The following FGFRL1 variants were observed in gnomAD, a reference collection of about 807,000 sequenced individuals.
FGFRL1 encodes fibroblast growth factor receptor-like 1.
FGFRL1 carries 24 observed loss-of-function variants against 36.8 expected under a neutral mutation model. That is an observed-to-expected ratio of 0.65 (90% CI 0.47 to 0.92). The LOEUF is 0.92. Ranked by LOEUF, FGFRL1 falls within the 40% of genes least tolerant of loss-of-function variation. The pLI, the probability that FGFRL1 is intolerant of heterozygous loss-of-function variation, is 0.00. For synonymous variants in FGFRL1, 422 were observed against 344.1 expected (o/e 1.23, Z -2.50); for missense variants, 785 against 753.4 (o/e 1.04, Z -0.49).
intron 2 of FGFRL1, among the ~76,000 whole-genome samples, chr4:1,016,903 G>T (rs1391800921): frequency 1.3e-5 from 2 of 152,142 alleles, no homozygotes; most frequent in African/African-American, 4.8e-5. Context: ...ACTGACTCTG[G>T]GGTTTCCCAC....
intron 2 of FGFRL1, among the ~76,000 whole-genome samples, chr4:1,019,009 G>A (rs1346117681): frequency 6.6e-6 from 1 of 152,174 alleles, no homozygotes; most frequent in African/African-American, 2.4e-5. Context: ...CGGCCCTGGG[G>A]GCCACGCTTC....
rs1716548746 is a variant in FGFRL1 at position 1,026,546 on chromosome 4, G to A, written c.*1199G>A. ...CCCTACTGCTGTGGGCTGGGGTTGGGGGCACAGCAGCCCCAAGCCTGAGAG... is the reference window on the plus strand; with the variant it reads ...CCCTACTGCTGTGGGCTGGGGTTGGAGGCACAGCAGCCCCAAGCCTGAGAG... On this transcript the variant is annotated 3_prime_UTR_variant, in exon 7 of 7. Coordinates refer to ENST00000510644, the MANE Select transcript of FGFRL1 (RefSeq NM_001004356.3). 1 of 205,792 alleles carries A rather than the reference G, an allele frequency of 4.9e-6. No individual in the cohort carries two copies. Among genetic ancestry groups the A allele is most frequent in the Non-Finnish European group, 9.9e-6 (1 of 101,472 alleles). The allele number at this position is 205,792 out of a possible 1,614,324, so 12.7% of individuals were successfully genotyped here. A position where few individuals can be genotyped will look rare whatever the true frequency, so the allele number is the denominator to read the frequency against.
intron 2 of FGFRL1, among the ~76,000 whole-genome samples, chr4:1,018,846 G>GC (rs1045538051): frequency 6.6e-6 from 1 of 152,150 alleles, no homozygotes; most frequent in African/African-American, 2.4e-5. Flanking sequence ...AGGCCCTCCT[G>GC]CGGGGGGTCT....
chr4:1,018,848 G>A (rs995436600), intron 2 of FGFRL1, among the ~76,000 whole-genome samples: 1 of 152,136 alleles, frequency 6.6e-6, no homozygotes, highest in Non-Finnish European at 1.5e-5. Flanking sequence ...GCCCTCCTGC[G>A]GGGGGTCTTG....
chr4:1,012,387 C>G, intron 1 of FGFRL1, 83 bp from the exon 2 acceptor site: 3 of 1,515,968 alleles, frequency 2.0e-6, no homozygotes, highest in Non-Finnish European at 2.7e-6. Context: ...GGCGGCCAGA[C>G]CCCTGATCCC....
intron 2 of FGFRL1, 119 bp downstream of exon 2, chr4:1,012,683 C>T (rs1048298851): frequency 4.4e-5 from 19 of 433,138 alleles, no homozygotes; most frequent in Non-Finnish European, 6.7e-5. Flanking sequence ...CCCCTGCCGC[C>T]CCGCTCGCCA....
Position 1,022,308 on chromosome 4 carries a change from T to C in FGFRL1, c.185T>C (p.Met62Thr), listed in dbSNP as rs1168737962. The change falls in exon 3 of 7, where the codon ATG (methionine) becomes ACG (threonine). Residue 62 changes from methionine to threonine, a missense_variant. Coordinates refer to ENST00000510644, the MANE Select transcript of FGFRL1 (RefSeq NM_001004356.3). ...PVEGDPPPLT[M>T]WTKDGRTIHS... is the part of the protein sequence containing the mutation. ...GAGGGGGACCCGCCGCCGCTGACCA[T>C]GTGGACCAAGGATGGCCGCACCATC... 1.3e-6 allele frequency: 2 copies of C among 1,598,600 alleles called. No individual in the cohort carries two copies. Among genetic ancestry groups the C allele is most frequent in the Non-Finnish European group, 1.7e-6 (2 of 1,173,676 alleles).
At position 1,022,218 on chromosome 4, in the gene FGFRL1, C is replaced by G; in HGVS notation, c.95C>G (p.Ala32Gly). ...CCACCCGCAGGCCCCCCAAAGATGG[C>G]GGACAAGGTGGTCCCACGGCAGGTG... is the stretch of plus-strand genomic sequence containing the variant. The part of the protein sequence containing the change: ...AAAARGPPKM[A>G]DKVVPRQVAR... Residue 32 changes from alanine (A) to glycine (G), a missense_variant, in exon 3 of 7, where the codon GCG (alanine) becomes GGG (glycine). By Grantham distance (60) the Ala-to-Gly change is moderately conservative. Coordinates refer to ENST00000510644, the MANE Select transcript of FGFRL1 (RefSeq NM_001004356.3). 6.5e-7 allele frequency: 1 copy of G among 1,535,496 alleles called. No homozygotes were observed. The highest frequency in any genetic ancestry group is 1.2e-5 in the South Asian group (1 of 80,566).
At chr4:1,021,696 ATGGT>A (rs1265489001) in intron 2 of FGFRL1, among the ~76,000 whole-genome samples, 5 of 151,646 alleles carry the variant, frequency 3.3e-5, no homozygotes, top group East Asian at 2.0e-4. Flanking sequence ...CCCTGGGCTG[ATGGT>A]TGGGTGGGAA....
intron 2 of FGFRL1, among the ~76,000 whole-genome samples, chr4:1,021,547 A>G (rs1716180231): frequency 6.6e-6 from 1 of 152,094 alleles, no homozygotes; most frequent in Non-Finnish European, 1.5e-5. Flanking sequence ...GTGGTCCCTG[A>G]ACTCAGGTCT....
At chr4:1,014,581 G>T (rs923943324) in intron 2 of FGFRL1, among the ~76,000 whole-genome samples, 1 of 152,174 alleles carries the variant, frequency 6.6e-6, no homozygotes, top group Non-Finnish European at 1.5e-5. Flanking sequence ...ATGCCTGGGG[G>T]GTAGCGGGGT....
At chr4:1,015,114 C>T (rs1386576575) in intron 2 of FGFRL1, among the ~76,000 whole-genome samples, 3 of 152,184 alleles carry the variant, frequency 2.0e-5, no homozygotes, top group Non-Finnish European at 4.4e-5. Context: ...CTGGGAGAGG[C>T]GGGCTGTGCC....
chr4:1,012,327 C>A, intron 1 of FGFRL1, 143 bp from the exon 2 acceptor site: 2 of 845,544 alleles, frequency 2.4e-6, no homozygotes, highest in Non-Finnish European at 3.5e-6. Context: ...AGCTTCTCCC[C>A]GCTGCGGCTT....
chr4:1,025,103 G>T lies in FGFRL1; in HGVS notation c.1271G>T (p.Arg424Leu), dbSNP rs4647931. The change falls in exon 7 of 7, where the codon CGC becomes CTC. Residue 424 changes from arginine (R) to leucine (L), a missense_variant. By Grantham distance (102) the Arg-to-Leu change is moderately radical. Coordinates refer to ENST00000510644, the MANE Select transcript of FGFRL1 (RefSeq NM_001004356.3). The stretch of plus-strand genomic sequence containing the variant: ...GGGCACCGCCCGCCGGGGACGGCCC[G>T]CGACCGCAGCGGAGACAAGGACCTT... Reference protein sequence around the residue: ...LPGHRPPGTARDRSGDKDLPS... With the variant: ...LPGHRPPGTALDRSGDKDLPS... The T allele has an allele frequency of 0.022, 34,823 of 1,610,698 alleles. 486 individuals are homozygous for T. Among genetic ancestry groups the T allele is most frequent in the Non-Finnish European group, 0.025 (29,465 of 1,178,926 alleles).
rs1024494046 is a variant in FGFRL1, at chr4:1,025,868, C to G, written c.*521C>G. The G allele has an allele frequency of 1.2e-5, 2 of 162,066 alleles. No individual in the cohort carries two copies. The highest frequency in any genetic ancestry group is 2.6e-5 in the Non-Finnish European group (2 of 76,618). 10.0% of individuals were successfully genotyped at this position (162,066 alleles called of 1,614,324 possible). ...CACACATGCACGGATATTGCCTGGA[C>G]ACACACACACACACGTGTGCACAGA... On this transcript the variant is annotated 3_prime_UTR_variant, in exon 7 of 7. Coordinates refer to ENST00000510644, the MANE Select transcript of FGFRL1 (RefSeq NM_001004356.3).
Position 1,024,483 on chromosome 4 carries a change from T to C in FGFRL1, c.891T>C (p.Asp297=), listed in dbSNP as rs4647946. 0.039 allele frequency: 63,596 copies of C among 1,612,472 alleles called. 1,546 individuals carry two copies. Among genetic ancestry groups the C allele is most frequent in the East Asian group, 0.11 (5,102 of 44,856 alleles). Residue 297 remains aspartate, a synonymous_variant, in exon 6 of 7, where the codon GAT becomes GAC. Coordinates refer to ENST00000510644, the MANE Select transcript of FGFRL1 (RefSeq NM_001004356.3). ...GAEGRHNSTI[D]VGGQKFVVLP... ...AGGGCCGCCACAACTCCACCATCGA[T>C]GTGGGCGGCCAGAAGTTTGTGGTGC...
intron 2 of FGFRL1, among the ~76,000 whole-genome samples, chr4:1,016,584 T>G (rs1715898410): frequency 6.6e-6 from 1 of 151,842 alleles, no homozygotes; most frequent in African/African-American, 2.4e-5. Context: ...GGCAGCATGG[T>G]GGGCCACATG....
At chr4:1,012,326 C>T (rs1310201938) in intron 1 of FGFRL1, 144 bp from the exon 2 acceptor site, 16 of 837,512 alleles carry the variant, frequency 1.9e-5, no homozygotes, top group African/African-American at 1.6e-4. Flanking sequence ...CAGCTTCTCC[C>T]CGCTGCGGCT....
In FGFRL1 at chr4:1,022,277, C is replaced by G. The variant is rs1345868748; in HGVS notation, c.154C>G (p.Pro52Ala). The G allele has an allele frequency of 6.3e-7, 1 of 1,591,174 alleles. No individual in the cohort carries two copies. Among genetic ancestry groups the G allele is most frequent in the Non-Finnish European group, 8.5e-7 (1 of 1,170,370 alleles). The change falls in exon 3 of 7, where the codon CCA (proline) becomes GCA (alanine). Residue 52 changes from proline (P) to alanine (A), a missense_variant. Coordinates refer to ENST00000510644, the MANE Select transcript of FGFRL1 (RefSeq NM_001004356.3). The part of the protein sequence containing the change: ...RLGRTVRLQC[P>A]VEGDPPPLTM... The stretch of plus-strand genomic sequence containing the variant: ...GGGCCGCACTGTGCGGCTGCAGTGC[C>G]CAGTGGAGGGGGACCCGCCGCCGCT...
Sources: gnomAD v4.1 joint callset for allele counts (sites outside exome capture counted in the v4.1 genomes callset) on GRCh38, gnomAD v4.1.1 for gene constraint, MANE v1.5 for transcripts, NCBI Gene and HGNC (gene_info 2026-07-23, HGNC 2026-07-21) for gene names.